SLIT2: variants seen among roughly 807,000 people sequenced by gnomAD.
SLIT2 encodes slit guidance ligand 2.
Under a neutral mutation model 185.7 loss-of-function variants are expected in SLIT2, and 41 were observed. The ratio of observed to expected loss-of-function variants is 0.22; its 90% CI spans 0.17 to 0.29. SLIT2 has a LOEUF of 0.29. Among genes scored for constraint, SLIT2 ranks in the 10% least tolerant of loss-of-function variants. SLIT2 has a pLI of 1.00. For missense variants in SLIT2, 1,571 were observed against 1,909.0 expected (o/e 0.82, Z 3.30); for synonymous variants, 693 against 680.2 (o/e 1.02, Z -0.29).
At chr4:20,493,775 A>G (rs1717995064) in intron 9 of SLIT2, among the ~76,000 whole-genome samples, 1 of 152,218 alleles carries the variant, frequency 6.6e-6, no homozygotes, top group African/African-American at 2.4e-5. Context: ...TGCATATAGT[A>G]ATCATTCCAG....
intron 4 of SLIT2, among the ~76,000 whole-genome samples, chr4:20,380,298 T>C (rs1332305120): frequency 1.3e-5 from 2 of 152,176 alleles, no homozygotes; most frequent in East Asian, 3.9e-4. Flanking sequence ...ATTGCTTAGC[T>C]ATATCCCAGA....
At chr4:20,468,822 C>T (rs1714648315) in intron 5 of SLIT2, among the ~76,000 whole-genome samples, 1 of 149,024 alleles carries the variant, frequency 6.7e-6, no homozygotes, top group African/African-American at 2.5e-5. Flanking sequence ...AACTTATATT[C>T]AGAATTCTCC....
chr4:20,507,691 TTTAGA>T (rs531958396), intron 9 of SLIT2, among the ~76,000 whole-genome samples: 3 of 151,868 alleles, frequency 2.0e-5, no homozygotes, highest in African/African-American at 4.8e-5. Context: ...TATTGGTTTC[TTTAGA>T]TTATTTTCAA....
intron 4 of SLIT2, among the ~76,000 whole-genome samples, chr4:20,291,289 C>A (rs1338622666): frequency 6.6e-6 from 1 of 151,436 alleles, no homozygotes; most frequent in Non-Finnish European, 1.5e-5. Flanking sequence ...TATGCACATT[C>A]TTCAAGGATT....
chr4:20,512,102 A>T (rs965159117), intron 11 of SLIT2, among the ~76,000 whole-genome samples: 4 of 152,212 alleles, frequency 2.6e-5, no homozygotes, highest in Non-Finnish European at 5.9e-5. Context: ...AGATTTAAAT[A>T]TTCGAAAGTG....
At chr4:20,404,942 C>A (rs1726660627) in intron 4 of SLIT2, among the ~76,000 whole-genome samples, 1 of 151,718 alleles carries the variant, frequency 6.6e-6, no homozygotes, top group Non-Finnish European at 1.5e-5. Flanking sequence ...GTATTTTTTT[C>A]TGGAGTATGA....
Position 20,528,868 on chromosome 4 carries a change from C to T in SLIT2, c.1463-81C>T, listed in dbSNP as rs1237435641. The T allele has an allele frequency of 1.9e-5, 22 of 1,137,032 alleles. No homozygotes were observed. The highest frequency in any genetic ancestry group is 1.3e-4 in the Admixed American group (6 of 47,178). The allele number at this position is 1,137,032 out of a possible 1,614,324, so 70.4% of individuals were successfully genotyped here. ...TCCCTGCTACATAATCTATAGTTAT[C>T]TTACTTTTTTCTTCCTACAAACTAA... On this transcript the variant is annotated intron_variant, in intron 15 of 36. Coordinates refer to ENST00000504154, the MANE Select transcript of SLIT2 (RefSeq NM_004787.4). This position sits in a 1 kb window ranked among gnomAD's most constrained non-coding sequence, Gnocchi z 4.2.
At chr4:20,439,755 C>A (rs1729605357) in intron 4 of SLIT2, among the ~76,000 whole-genome samples, 1 of 152,174 alleles carries the variant, frequency 6.6e-6, no homozygotes, top group South Asian at 2.1e-4. Flanking sequence ...CTAAAACTCA[C>A]AATCTACTAA....
intron 4 of SLIT2, among the ~76,000 whole-genome samples, chr4:20,290,454 G>A (rs1023607428): frequency 4.6e-5 from 7 of 152,186 alleles, no homozygotes; most frequent in African/African-American, 1.7e-4. Flanking sequence ...GTCTATGAGA[G>A]GATGTGTTAG....
intron 4 of SLIT2, among the ~76,000 whole-genome samples, chr4:20,447,638 C>T (rs1053263082): frequency 1.3e-5 from 2 of 152,134 alleles, no homozygotes; most frequent in African/African-American, 4.8e-5. Flanking sequence ...GTCATGAGAC[C>T]TGCAGCCTGT....
At chr4:20,293,668 A>G (rs1324899407) in intron 4 of SLIT2, among the ~76,000 whole-genome samples, 1 of 152,214 alleles carries the variant, frequency 6.6e-6, no homozygotes, top group African/African-American at 2.4e-5. Flanking sequence ...GAAGAACTAG[A>G]GGCATAGATG....
intron 9 of SLIT2, among the ~76,000 whole-genome samples, chr4:20,509,917 G>A (rs1464203332): frequency 2.0e-5 from 3 of 152,138 alleles, no homozygotes; most frequent in Non-Finnish European, 4.4e-5. Flanking sequence ...TGAATCCACA[G>A]AGTCTAGACT....
intron 4 of SLIT2, among the ~76,000 whole-genome samples, chr4:20,450,151 T>C (rs1039150190): frequency 2.0e-5 from 3 of 152,248 alleles, no homozygotes; most frequent in African/African-American, 7.2e-5. Context: ...ATCTTCATGG[T>C]ATTTTGATGA....
intron 4 of SLIT2, among the ~76,000 whole-genome samples, chr4:20,382,140 G>A (rs963983550): frequency 5.9e-5 from 9 of 151,898 alleles, no homozygotes; most frequent in Non-Finnish European, 1.3e-4. Flanking sequence ...AAAGGAAAAA[G>A]GATTTGACTA....
chr4:20,434,143 C>T (rs1729181099), intron 4 of SLIT2, among the ~76,000 whole-genome samples: 1 of 152,112 alleles, frequency 6.6e-6, no homozygotes, highest in Non-Finnish European at 1.5e-5. Flanking sequence ...AAGGGTATGA[C>T]ACAGCACAGG....
Position 20,490,683 on chromosome 4 carries a change from A to G in SLIT2, c.776-1078A>G, listed in dbSNP as rs969535731. On this transcript the variant is annotated intron_variant, in intron 8 of 36. Coordinates refer to ENST00000504154, the MANE Select transcript of SLIT2 (RefSeq NM_004787.4). ...ATAACCTAAGAAAAATTTTTGTATAATATCATGGAATGTTCTCAATATGTC... is the reference window on the plus strand; with the variant it reads ...ATAACCTAAGAAAAATTTTTGTATAGTATCATGGAATGTTCTCAATATGTC... 20 of 694,458 alleles carry G rather than the reference A, an allele frequency of 2.9e-5. No homozygotes were observed. The African/African-American group carries it at 3.4e-4, about 12-fold the overall frequency. The allele number at this position is 694,458 out of a possible 1,614,324, so 43.0% of individuals were successfully genotyped here.
chr4:20,322,108 G>A (rs1232572537), intron 4 of SLIT2, among the ~76,000 whole-genome samples: 1 of 152,124 alleles, frequency 6.6e-6, no homozygotes, highest in Non-Finnish European at 1.5e-5. Context: ...CCAGATTCCA[G>A]ACTTGTATTT....
At chr4:20,573,358 T>A (rs779044321) in intron 29 of SLIT2, 10 of 694,160 alleles carry the variant, frequency 1.4e-5, no homozygotes, top group Non-Finnish European at 2.1e-5. Flanking sequence ...TAAAAAGGAA[T>A]GTTGACAAAA....
intron 4 of SLIT2, among the ~76,000 whole-genome samples, chr4:20,376,650 C>T (rs948594174): frequency 3.3e-5 from 5 of 152,038 alleles, no homozygotes; most frequent in Admixed American, 2.0e-4. Flanking sequence ...CTTCTTTACT[C>T]GACTATAAAC....
Sources: gnomAD v4.1 joint callset for allele counts (sites outside exome capture counted in the v4.1 genomes callset) on GRCh38, gnomAD v4.1.1 for gene constraint, Gnocchi (gnomAD v3.1) non-coding constraint, MANE v1.5 for transcripts, NCBI Gene and HGNC (gene_info 2026-07-23, HGNC 2026-07-21) for gene names.